The following SPOCK3 variants were observed in gnomAD, a reference collection of about 807,000 sequenced individuals.
The protein encoded by SPOCK3 is testican-3.
A neutral mutation model predicts 56.6 loss-of-function variants in SPOCK3; 30 were observed. The ratio of observed to expected loss-of-function variants is 0.53; its 90% confidence interval spans 0.40 to 0.72. The LOEUF (loss-of-function observed/expected upper bound fraction) is 0.72. Ranked by LOEUF, SPOCK3 falls within the 30% of genes least tolerant of loss-of-function variation. The pLI, the probability that SPOCK3 is intolerant of heterozygous loss-of-function variation, is 0.00. For missense variants in SPOCK3, 527 were observed against 530.0 expected (o/e 0.99, Z 0.06); for synonymous variants, 196 against 183.3 (o/e 1.07, Z -0.56).
chr4:167,100,438 CTCTG>C (rs955128965), intron 2 of SPOCK3, among the ~76,000 whole-genome samples: 5 of 151,090 alleles, frequency 3.3e-5, no homozygotes, highest in East Asian at 3.9e-4. Context: ...CTTTCTTTCT[CTCTG>C]TCTCTCTCTC....
chr4:167,066,566 A>C (rs546468839), intron 2 of SPOCK3, among the ~76,000 whole-genome samples: 13 of 152,058 alleles, frequency 8.5e-5, no homozygotes, highest in Non-Finnish European at 1.6e-4. Context: ...TCAATTTTAA[A>C]TGCAGATTTT....
At chr4:167,207,382 C>A (rs187289887) in intron 2 of SPOCK3, among the ~76,000 whole-genome samples, 1 of 151,692 alleles carries the variant, frequency 6.6e-6, no homozygotes, top group Non-Finnish European at 1.5e-5. Flanking sequence ...TATATATTAA[C>A]AGAATACTGT....
At chr4:166,751,019 C>T (rs889209468) in intron 8 of SPOCK3, among the ~76,000 whole-genome samples, 6 of 135,988 alleles carry the variant, frequency 4.4e-5, no homozygotes, top group Non-Finnish European at 9.8e-5. Flanking sequence ...CAATGGTGCC[C>T]TGAAGTTTTA....
chr4:166,877,815 A>G (rs1277828898), intron 6 of SPOCK3, among the ~76,000 whole-genome samples: 2 of 152,244 alleles, frequency 1.3e-5, no homozygotes. Context: ...ATGTAAAAAT[A>G]GTAGAAACAG....
chr4:166,888,409 T>C (rs10517906), intron 6 of SPOCK3, among the ~76,000 whole-genome samples: 13,308 of 152,078 alleles, frequency 0.088, 899 homozygotes, highest in East Asian at 0.41. Flanking sequence ...TAAGCATCTA[T>C]TCTCCACACT....
chr4:166,764,198 T>A (rs1439166267), intron 7 of SPOCK3, among the ~76,000 whole-genome samples: 2 of 151,192 alleles, frequency 1.3e-5, no homozygotes, highest in African/African-American at 4.9e-5. Flanking sequence ...AGATATCCAC[T>A]TTTTTTTTAT....
At chr4:166,792,408 G>A in intron 6 of SPOCK3, 119 bp from the exon 7 acceptor site, 1 of 1,034,260 alleles carries the variant, frequency 9.7e-7, no homozygotes, top group Non-Finnish European at 1.4e-6. Context: ...AGGTGTGACT[G>A]CATTTCAGCT....
At chr4:167,218,708 G>A (rs62353586) in intron 2 of SPOCK3, among the ~76,000 whole-genome samples, 2,434 of 152,108 alleles carry the variant, frequency 0.016, 26 homozygotes, top group Non-Finnish European at 0.027. Context: ...ATTCCCCATA[G>A]ACCACCTTCC....
chr4:167,115,444 G>A (rs1244572050), intron 2 of SPOCK3, among the ~76,000 whole-genome samples: 1 of 151,918 alleles, frequency 6.6e-6, no homozygotes, highest in African/African-American at 2.4e-5. Context: ...TGAAGCATAA[G>A]ATAAAATATT....
intron 7 of SPOCK3, among the ~76,000 whole-genome samples, chr4:166,779,150 T>C (rs1200865517): frequency 6.6e-6 from 1 of 152,114 alleles, no homozygotes; most frequent in Non-Finnish European, 1.5e-5. Context: ...GTTAATCATC[T>C]GTTAAATCAA....
intron 3 of SPOCK3, among the ~76,000 whole-genome samples, chr4:167,024,446 A>G (rs1318509232): frequency 6.6e-6 from 1 of 152,038 alleles, no homozygotes; most frequent in African/African-American, 2.4e-5. Context: ...TGGTTTATAA[A>G]TTTCTTCTAA....
chr4:166,880,431 C>T lies in SPOCK3; in HGVS notation c.589+8699G>A, dbSNP rs77939709. Among the ~76,000 whole-genome samples, 404 of 152,286 alleles carry T rather than the reference C, an allele frequency of 2.7e-3. 1 individual carries two copies. The highest frequency in any genetic ancestry group is 9.4e-3 in the African/African-American group (389 of 41,572). ...ACTGAGCCACTGCTTTTCTCACTTTCTGTCCCTCAGTGGATTTTGTTCACT... is the reference window on the plus strand; with the variant it reads ...ACTGAGCCACTGCTTTTCTCACTTTTTGTCCCTCAGTGGATTTTGTTCACT... On this transcript the variant is annotated intron_variant, in intron 6 of 10. Coordinates refer to ENST00000357545, the MANE Select transcript of SPOCK3 (RefSeq NM_001040159.2).
At chr4:166,766,547 C>A (rs987248942) in intron 7 of SPOCK3, among the ~76,000 whole-genome samples, 2 of 152,096 alleles carry the variant, frequency 1.3e-5, no homozygotes, top group African/African-American at 4.8e-5. Flanking sequence ...CCAACTTGAT[C>A]GTGGTGGATA....
chr4:167,142,792 A>C lies in SPOCK3; in HGVS notation c.190-80255T>G, dbSNP rs140163822. On this transcript the variant is annotated intron_variant, in intron 2 of 10. Coordinates refer to ENST00000357545, the MANE Select transcript of SPOCK3 (RefSeq NM_001040159.2). ...AGCACACAATAATGCTCAAAAATGAACAATAGGGACAAAGGTATACTAATA... is the reference window on the plus strand; with the variant it reads ...AGCACACAATAATGCTCAAAAATGACCAATAGGGACAAAGGTATACTAATA... Among the ~76,000 whole-genome samples, 79 of 152,168 alleles carry C rather than the reference A, an allele frequency of 5.2e-4. 1 individual carries two copies. Among genetic ancestry groups the C allele is most frequent in the Admixed American group, 4.3e-3 (65 of 15,236 alleles).
chr4:166,886,398 T>TA lies in SPOCK3; in HGVS notation c.589+2731dup, dbSNP rs1418476106. On this transcript the variant is annotated intron_variant, in intron 6 of 10. Transcript: ENST00000357545. ...AAATGAGAAAACTGTATAGCTAAGT[T>TA]ACTAACTGAAGGGTGTATGCTTATC... 3.9e-5 allele frequency among the ~76,000 whole-genome samples: 6 copies of TA among 152,258 alleles called. No homozygotes were observed. The East Asian group carries it at 1.2e-3, about 29-fold the overall frequency.
At chr4:166,858,013 T>C (rs1007744174) in intron 6 of SPOCK3, among the ~76,000 whole-genome samples, 3 of 152,222 alleles carry the variant, frequency 2.0e-5, no homozygotes, top group African/African-American at 7.2e-5. Flanking sequence ...ATTCTAACAT[T>C]AACAAAGCTG....
rs888886824 is a variant in SPOCK3, at chr4:166,734,763, A to T, written c.*158T>A. On this transcript the variant is annotated 3_prime_UTR_variant, in exon 11 of 11. Coordinates refer to ENST00000357545, the MANE Select transcript of SPOCK3 (RefSeq NM_001040159.2). Reference sequence around the variant, plus strand: ...AAGCAAATGATTCTTATTTAAACATAAAGTTCTATAACTTTAGCTGCAATT... The same window carrying T: ...AAGCAAATGATTCTTATTTAAACATTAAGTTCTATAACTTTAGCTGCAATT... 5 of 613,282 alleles carry T rather than the reference A, an allele frequency of 8.2e-6. No individual in the cohort carries two copies. The highest frequency in any genetic ancestry group is 1.3e-5 in the Non-Finnish European group (5 of 375,650). The allele number at this position is 613,282 out of a possible 1,614,324, so 38.0% of individuals were successfully genotyped here.
At chr4:167,025,971 G>A (rs1213006140) in intron 3 of SPOCK3, among the ~76,000 whole-genome samples, 1 of 152,054 alleles carries the variant, frequency 6.6e-6, no homozygotes, top group Admixed American at 6.6e-5. Flanking sequence ...GTAGGCCCTT[G>A]TAACACAATG....
At chr4:167,124,474 G>A (rs1762113067) in intron 2 of SPOCK3, among the ~76,000 whole-genome samples, 1 of 152,128 alleles carries the variant, frequency 6.6e-6, no homozygotes, top group African/African-American at 2.4e-5. Flanking sequence ...CAGAAAGTCT[G>A]TTCTTCTAGT....
Sources: gnomAD v4.1 joint callset for allele counts (sites outside exome capture counted in the v4.1 genomes callset) on GRCh38, gnomAD v4.1.1 for gene constraint, MANE v1.5 for transcripts, NCBI Gene and HGNC (gene_info 2026-07-23, HGNC 2026-07-21) for gene names.